KLKB1: variants seen among roughly 807,000 people sequenced by gnomAD.
KLKB1 encodes plasma kallikrein.
A neutral mutation model predicts 73.6 loss-of-function variants in KLKB1; 58 were observed. The ratio of observed to expected loss-of-function variants is 0.79; its 90% CI spans 0.64 to 0.98. KLKB1 has a LOEUF of 0.98. KLKB1 is among the 50% of genes least tolerant of loss of function. The probability of loss-of-function intolerance (pLI) is 0.00; values close to 1 mark genes in which losing one functional copy is unlikely to be tolerated. For synonymous variants in KLKB1, 280 were observed against 258.1 expected, an observed-to-expected ratio of 1.08 and a Z score of -0.81; for missense variants, 737 against 763.8, an observed-to-expected ratio of 0.96 and a Z score of 0.41.
At chr4:186,213,540 CTCTGAAGAA>C (rs1736796835) in intron 2 of KLKB1, 1 of 152,202 alleles carries the variant, frequency 6.6e-6, no homozygotes, top group Admixed American at 6.5e-5. Context: ...ATTTCTCTGA[CTCTGAAGAA>C]TCAACTAGAA....
At chr4:186,255,363 C>T (rs557949456) in intron 12 of KLKB1, among the ~76,000 whole-genome samples, 1 of 152,214 alleles carries the variant, frequency 6.6e-6, no homozygotes, top group Admixed American at 6.5e-5. Flanking sequence ...GAGTTTGAGA[C>T]CAGCCTGGGC....
At chr4:186,232,756 A>G (rs1373904475) in intron 3 of KLKB1, among the ~76,000 whole-genome samples, 1 of 152,160 alleles carries the variant, frequency 6.6e-6, no homozygotes, top group Non-Finnish European at 1.5e-5. Context: ...AGAACTTGTG[A>G]TTTTGGGACA....
At chr4:186,257,836 TC>T in intron 14 of KLKB1, among the ~76,000 whole-genome samples, 184 bp from the exon 15 acceptor site, 1 of 151,706 alleles carries the variant, frequency 6.6e-6, no homozygotes. Flanking sequence ...TGCAGGTGGA[TC>T]ACTTGAGCCT....
intron 2 of KLKB1, among the ~76,000 whole-genome samples, chr4:186,217,822 A>G (rs1307407792): frequency 6.6e-6 from 1 of 152,192 alleles, no homozygotes; most frequent in Non-Finnish European, 1.5e-5. Context: ...TCTGAAATAA[A>G]ATAAAATTAA....
intron 6 of KLKB1, among the ~76,000 whole-genome samples, chr4:186,241,883 T>G (rs1157175345): frequency 1.3e-5 from 2 of 152,062 alleles, no homozygotes; most frequent in African/African-American, 4.8e-5. Context: ...GCCCAACATA[T>G]TAGATAGGAA....
chr4:186,238,133 CT>C, intron 5 of KLKB1, 122 bp from the exon 6 acceptor site: 2 of 732,418 alleles, frequency 2.7e-6, no homozygotes, highest in Non-Finnish European at 5.0e-6. Context: ...ATGCAGACCC[CT>C]AACCCACTCA....
upstream of KLKB1, among the ~76,000 whole-genome samples, chr4:186,222,129 T>C (rs1579986954): frequency 1.3e-5 from 2 of 152,158 alleles, no homozygotes; most frequent in East Asian, 3.8e-4. Context: ...TTTCATCCCT[T>C]CACTTCCAGC....
chr4:186,246,695 A>G (rs1315726711), intron 6 of KLKB1, among the ~76,000 whole-genome samples: 1 of 152,098 alleles, frequency 6.6e-6, no homozygotes, highest in African/African-American at 2.4e-5. Context: ...AAGCCCAGAG[A>G]AAAGAGAGGG....
At chr4:186,237,062 C>T (rs913797977) in intron 5 of KLKB1, 122 bp downstream of exon 5, 7 of 824,154 alleles carry the variant, frequency 8.5e-6, no homozygotes, top group Non-Finnish European at 9.9e-6. Context: ...AACCACTTTC[C>T]TCATTTACTT....
At chr4:186,232,899 T>C (rs1737472047) in intron 3 of KLKB1, among the ~76,000 whole-genome samples, 1 of 152,080 alleles carries the variant, frequency 6.6e-6, no homozygotes, top group Non-Finnish European at 1.5e-5. Flanking sequence ...GTAAAAGTAT[T>C]GGAAAAATAG....
At chr4:186,237,309 G>A (rs1398777702) in intron 5 of KLKB1, among the ~76,000 whole-genome samples, 2 of 152,126 alleles carry the variant, frequency 1.3e-5, no homozygotes, top group Non-Finnish European at 2.9e-5. Flanking sequence ...ATGTTGGTCA[G>A]GCTGGTCTCG....
intron 14 of KLKB1, 113 bp from the exon 15 acceptor site, chr4:186,257,908 G>A: frequency 4.2e-6 from 4 of 961,640 alleles, no homozygotes; most frequent in Middle Eastern, 4.4e-4. Flanking sequence ...AAATATGAAA[G>A]TATCTGTGTG....
intron 5 of KLKB1, among the ~76,000 whole-genome samples, chr4:186,237,273 A>G (rs1166487878): frequency 2.0e-5 from 3 of 151,690 alleles, no homozygotes; most frequent in Non-Finnish European, 4.4e-5. Flanking sequence ...TAATTTTTGT[A>G]TTTTTAGTAG....
At chr4:186,235,974 C>T (rs896920385) in intron 4 of KLKB1, among the ~76,000 whole-genome samples, 5 of 151,460 alleles carry the variant, frequency 3.3e-5, no homozygotes, top group African/African-American at 1.2e-4. Flanking sequence ...ATTAGCCGGG[C>T]GTGGTGGCGC....
intron 11 of KLKB1, among the ~76,000 whole-genome samples, chr4:186,253,324 C>T (rs1413762093): frequency 6.6e-6 from 1 of 152,142 alleles, no homozygotes; most frequent in East Asian, 1.9e-4. Context: ...ATGCTGTATA[C>T]TAGGATTGAA....
intron 3 of KLKB1, 50 bp from the exon 4 acceptor site, chr4:186,233,902 C>T: frequency 7.9e-7 from 1 of 1,266,352 alleles, no homozygotes; most frequent in Non-Finnish European, 1.2e-6. Flanking sequence ...GACATTTCCT[C>T]AATGTATGTT....
chr4:186,235,957 T>G (rs1265070894), intron 4 of KLKB1, among the ~76,000 whole-genome samples: 1 of 151,136 alleles, frequency 6.6e-6, no homozygotes, highest in African/African-American at 2.4e-5. Context: ...CTACTAAAAA[T>G]ACAAAAATTA....
chr4:186,250,117 TCAC>T, intron 6 of KLKB1, 123 bp from the exon 7 acceptor site: 1 of 1,023,186 alleles, frequency 9.8e-7, no homozygotes, highest in Admixed American at 1.7e-5. Flanking sequence ...GGACATTTTT[TCAC>T]TTAGGATGTT....
At position 186,232,135 on chromosome 4, in the gene KLKB1, A is replaced by C. The variant is rs754196064; in HGVS notation, c.67A>C (p.Thr23Pro). The stretch of plus-strand genomic sequence containing the variant: ...TTATGGTTCTGTCACAGGATGTCTG[A>C]CTCAACTCTATGAAAACGCCTTCTT... ...LFATVSCGCL[T>P]QLYENAFFRG... is the part of the protein sequence containing the mutation. Residue 23 changes from threonine (T) to proline (P), a missense_variant, in exon 3 of 15, where the codon ACT becomes CCT. Transcript: ENST00000264690. 1 of 1,610,846 alleles carries C rather than the reference A, an allele frequency of 6.2e-7. No homozygotes were observed. The highest frequency in any genetic ancestry group is 2.2e-5 in the East Asian group (1 of 44,808).
Sources: allele counts gnomAD v4.1 joint callset (sites outside exome capture counted in the v4.1 genomes callset), GRCh38; gene constraint gnomAD v4.1.1; transcripts MANE v1.5; gene names NCBI Gene and HGNC (gene_info 2026-07-23, HGNC 2026-07-21).